SGSM1: variants seen among roughly 807,000 people sequenced by gnomAD.
The protein encoded by SGSM1 is RUN and TBC1 domain containing 2.
A neutral mutation model predicts 133.8 loss-of-function variants in SGSM1; 73 were observed. That is an observed-to-expected ratio of 0.55 (90% confidence interval 0.45 to 0.66). The LOEUF is 0.66. Among genes scored for constraint, SGSM1 ranks in the 30% least tolerant of loss-of-function variants. The pLI is 0.00. For synonymous variants in SGSM1, 563 were observed against 573.0 expected (o/e 0.98, Z 0.25); for missense variants, 1,213 against 1,448.1 (o/e 0.84, Z 2.64).
chr22:24,869,410 T>G (rs1035228027), intron 12 of SGSM1, among the ~76,000 whole-genome samples: 2 of 151,926 alleles, frequency 1.3e-5, no homozygotes, highest in African/African-American at 4.8e-5. Flanking sequence ...GTCCCAGCTA[T>G]TTGGGAGGCT....
intron 22 of SGSM1, 110 bp downstream of exon 22, chr22:24,912,862 T>G: frequency 1.5e-6 from 1 of 679,656 alleles, no homozygotes; most frequent in African/African-American, 1.8e-5. Context: ...AATCCAGGTT[T>G]GTATTTCTGC....
intron 2 of SGSM1, among the ~76,000 whole-genome samples, chr22:24,841,113 G>T (rs1411155913): frequency 6.6e-6 from 1 of 152,156 alleles, no homozygotes; most frequent in Middle Eastern, 3.2e-3. Context: ...GCCTCCCAAA[G>T]TGCTGGGATT....
At chr22:24,920,060 G>A in intron 24 of SGSM1, 67 bp downstream of exon 24, 7 of 1,511,362 alleles carry the variant, frequency 4.6e-6, no homozygotes, top group Non-Finnish European at 6.2e-6. Context: ...GGGCATCTCA[G>A]GAGGAATGAA....
intron 2 of SGSM1, among the ~76,000 whole-genome samples, chr22:24,842,775 A>G (rs1269842157): frequency 6.6e-6 from 1 of 152,246 alleles, no homozygotes; most frequent in Non-Finnish European, 1.5e-5. Flanking sequence ...GGTTTCAGGC[A>G]GAGCTGATGA....
chr22:24,814,243 T>C (rs1927926701), intron 2 of SGSM1: 1 of 151,558 alleles, frequency 6.6e-6, no homozygotes, highest in Admixed American at 6.6e-5. Flanking sequence ...GCTTAACTAA[T>C]GTCATTCTAA....
chr22:24,885,702 G>A (rs940749441), intron 15 of SGSM1, among the ~76,000 whole-genome samples: 11 of 152,146 alleles, frequency 7.2e-5, no homozygotes, highest in African/African-American at 2.4e-4. Context: ...GATTACAGGC[G>A]TGAGCCACTA....
At chr22:24,818,819 A>G (rs1040619983) in intron 2 of SGSM1, among the ~76,000 whole-genome samples, 1 of 152,130 alleles carries the variant, frequency 6.6e-6, no homozygotes, top group Non-Finnish European at 1.5e-5. Context: ...TTAGTTTCTA[A>G]ACCAGTTCCA....
intron 21 of SGSM1, 55 bp from the exon 22 acceptor site, chr22:24,912,588 T>C (rs142927490): frequency 7.0e-4 from 843 of 1,196,096 alleles, no homozygotes; most frequent in Non-Finnish European, 9.0e-4. Flanking sequence ...GACAAACATC[T>C]GAACCATATC....
At chr22:24,870,266 G>A (rs1931703844) in intron 12 of SGSM1, among the ~76,000 whole-genome samples, 6 of 152,228 alleles carry the variant, frequency 3.9e-5, no homozygotes, top group Admixed American at 3.9e-4. Flanking sequence ...GGCTGAAGGG[G>A]CTCCATGTAT....
At chr22:24,841,378 TTC>T (rs1929798658) in intron 2 of SGSM1, among the ~76,000 whole-genome samples, 1 of 152,238 alleles carries the variant, frequency 6.6e-6, no homozygotes, top group African/African-American at 2.4e-5. Flanking sequence ...TCCTAAGATA[TTC>T]TCTCTCCTGG....
intron 24 of SGSM1, among the ~76,000 whole-genome samples, chr22:24,922,960 T>C (rs1934065995): frequency 6.6e-6 from 1 of 152,120 alleles, no homozygotes; most frequent in Admixed American, 6.5e-5. Context: ...AAACTTTGTC[T>C]CTACTAAAAA....
chr22:24,840,028 C>T (rs1011129379), intron 2 of SGSM1, among the ~76,000 whole-genome samples: 10 of 150,918 alleles, frequency 6.6e-5, no homozygotes, highest in South Asian at 2.1e-4. Flanking sequence ...CTGCAAGCTC[C>T]GCCTCCCAGG....
intron 24 of SGSM1, among the ~76,000 whole-genome samples, chr22:24,920,835 G>C (rs188755417): frequency 6.6e-6 from 1 of 152,144 alleles, no homozygotes. Context: ...GAGAATGCAC[G>C]ATACCTTGGC....
intron 23 of SGSM1, 79 bp from the exon 24 acceptor site, chr22:24,919,747 T>G: frequency 6.4e-7 from 1 of 1,566,612 alleles, no homozygotes; most frequent in African/African-American, 1.3e-5. Flanking sequence ...TTTTCCCACC[T>G]TGGGGGGCTT....
chr22:24,885,470 G>A (rs1423372301), intron 15 of SGSM1, among the ~76,000 whole-genome samples: 18 of 119,180 alleles, frequency 1.5e-4, no homozygotes, highest in African/African-American at 5.0e-4. Flanking sequence ...ATGGAGTCTC[G>A]CTCTGTCACC....
intron 21 of SGSM1, among the ~76,000 whole-genome samples, chr22:24,910,837 C>T (rs934956834): frequency 6.6e-6 from 1 of 151,984 alleles, no homozygotes; most frequent in African/African-American, 2.4e-5. Context: ...TCCAGCTACA[C>T]GGGAGGCTGC....
rs752609771 is a variant in SGSM1, at chr22:24,917,822, C to T, written c.3025+68C>T. On this transcript the variant is annotated intron_variant, in intron 23 of 24. Transcript: ENST00000400358. ...GCAGAACTTTCAGGGGAAAAGATCC[C>T]GTGGAGGTGAGGTTGAGGGGTTGGC... The T allele has an allele frequency of 4.4e-5, 60 of 1,365,738 alleles. 1 individual carries two copies. The highest frequency in any genetic ancestry group is 3.8e-4 in the South Asian group (30 of 78,240). The allele number at this position is 1,365,738 out of a possible 1,614,324, so 84.6% of individuals were successfully genotyped here.
chr22:24,903,483 C>T lies in SGSM1; in HGVS notation c.2735+1526C>T, dbSNP rs565652810. Among the ~76,000 whole-genome samples the T allele has an allele frequency of 3.3e-5, 5 of 152,218 alleles. No homozygotes were observed. The East Asian group carries it at 9.6e-4, about 29-fold the overall frequency. On this transcript the variant is annotated intron_variant, in intron 20 of 24. Transcript: ENST00000400358. ...CTTGACCTCCCAAGTGCTAGGATTA[C>T]AGTCATGAGCCATCGCACCCAGCCT...
At chr22:24,900,987 A>G (rs779293685) in intron 19 of SGSM1, among the ~76,000 whole-genome samples, 1 of 152,236 alleles carries the variant, frequency 6.6e-6, no homozygotes, top group South Asian at 2.1e-4. Context: ...TGACAACTAC[A>G]TTCTCTGATC....
Sources: gnomAD v4.1 joint callset for allele counts (sites outside exome capture counted in the v4.1 genomes callset) on GRCh38, gnomAD v4.1.1 for gene constraint, MANE v1.5 for transcripts, NCBI Gene and HGNC (gene_info 2026-07-23, HGNC 2026-07-21) for gene names.